The following RAD51B variants were observed in gnomAD, a reference collection of about 807,000 sequenced individuals.
RAD51B encodes DNA repair protein RAD51 homolog 2.
Under a neutral mutation model 42.2 loss-of-function variants are expected in RAD51B, and 38 were observed. That is an observed-to-expected ratio of 0.90 (90% confidence interval 0.70 to 1.18). The LOEUF (loss-of-function observed/expected upper bound fraction) is 1.18, where lower values mean the gene tolerates loss of function less well. Among genes scored for constraint, RAD51B ranks in the 50% most tolerant of loss-of-function variants. The probability of loss-of-function intolerance (pLI) is 0.00; values close to 1 mark genes in which losing one functional copy is unlikely to be tolerated. For synonymous variants in RAD51B, 154 were observed against 145.2 expected (o/e 1.06, Z -0.43); for missense variants, 373 against 400.7 (o/e 0.93, Z 0.59).
At chr14:67,835,430 G>A (rs2041204163) in intron 4 of RAD51B, among the ~76,000 whole-genome samples, 1 of 151,974 alleles carries the variant, frequency 6.6e-6, no homozygotes, top group Admixed American at 6.6e-5. Flanking sequence ...CTGTTTCATT[G>A]AGTTAACTTA....
intron 7 of RAD51B, among the ~76,000 whole-genome samples, chr14:68,062,833 A>G (rs1235181791): frequency 1.1e-4 from 14 of 127,038 alleles, no homozygotes; most frequent in East Asian, 8.0e-4. Flanking sequence ...AAAAAAAAAG[A>G]AAAAAAAAAA....
intron 7 of RAD51B, among the ~76,000 whole-genome samples, chr14:68,009,237 G>T (rs1309482211): frequency 2.0e-5 from 3 of 151,840 alleles, no homozygotes; most frequent in Non-Finnish European, 4.4e-5. Flanking sequence ...TTGCCATTTT[G>T]TGGTTTTCAC....
intron 10 of RAD51B, among the ~76,000 whole-genome samples, chr14:68,490,734 A>T (rs1883998754): frequency 6.6e-6 from 1 of 152,174 alleles, no homozygotes; most frequent in African/African-American, 2.4e-5. Context: ...AGCAACAAAG[A>T]GCGTGGGGTA....
At chr14:68,382,871 T>C (rs1314800476) in intron 8 of RAD51B, among the ~76,000 whole-genome samples, 1 of 152,242 alleles carries the variant, frequency 6.6e-6, no homozygotes, top group Non-Finnish European at 1.5e-5. Context: ...AAAACCTCTT[T>C]GGTAAATCAC....
intron 7 of RAD51B, among the ~76,000 whole-genome samples, chr14:68,074,068 C>T (rs2076795815): frequency 6.6e-6 from 1 of 152,154 alleles, no homozygotes; most frequent in African/African-American, 2.4e-5. Context: ...TGTATGTCAA[C>T]CTCTCTAGTG....
intron 7 of RAD51B, among the ~76,000 whole-genome samples, chr14:68,124,411 A>G (rs2077713720): frequency 6.6e-6 from 1 of 152,228 alleles, no homozygotes; most frequent in Non-Finnish European, 1.5e-5. Context: ...TAGCAGCCGT[A>G]CACACGAAAA....
intron 10 of RAD51B, among the ~76,000 whole-genome samples, chr14:68,489,084 G>A (rs1883866838): frequency 1.3e-5 from 2 of 151,080 alleles, no homozygotes; most frequent in African/African-American, 4.9e-5. Flanking sequence ...CTCCCAAGTA[G>A]CTGGGATTAC....
At chr14:68,163,236 A>G (rs1248953615) in intron 7 of RAD51B, among the ~76,000 whole-genome samples, 1 of 152,244 alleles carries the variant, frequency 6.6e-6, no homozygotes, top group African/African-American at 2.4e-5. Flanking sequence ...GGAAGATTTG[A>G]GGCTTAGCAT....
At chr14:68,615,020 A>C (rs1247594395), downstream of RAD51B, among the ~76,000 whole-genome samples, 1 of 151,916 alleles carries the variant, frequency 6.6e-6, no homozygotes, top group Non-Finnish European at 1.5e-5. Flanking sequence ...CTACAGCTGC[A>C]TGCCACCAGG....
intron 7 of RAD51B, among the ~76,000 whole-genome samples, chr14:68,028,824 G>T (rs933729192): frequency 6.6e-6 from 1 of 152,194 alleles, no homozygotes; most frequent in African/African-American, 2.4e-5. Context: ...GGTCAGCTGG[G>T]TTAGAGCTTC....
At chr14:68,029,043 G>T (rs1044483724) in intron 7 of RAD51B, among the ~76,000 whole-genome samples, 2 of 152,234 alleles carry the variant, frequency 1.3e-5, no homozygotes, top group African/African-American at 4.8e-5. Flanking sequence ...ATAGTGTGCA[G>T]TCCCACAGTC....
At chr14:68,102,536 A>G (rs2077308862) in intron 7 of RAD51B, among the ~76,000 whole-genome samples, 1 of 152,114 alleles carries the variant, frequency 6.6e-6, no homozygotes, top group South Asian at 2.1e-4. Flanking sequence ...TTTGTCTGAG[A>G]CCACCTCTAC....
intron 7 of RAD51B, among the ~76,000 whole-genome samples, chr14:67,975,528 T>G (rs984496914): frequency 6.6e-6 from 1 of 152,214 alleles, no homozygotes; most frequent in Non-Finnish European, 1.5e-5. Context: ...CTTAACCAAA[T>G]TAAATATAAC....
At chr14:67,838,804 T>TAAAAA (rs56299969) in intron 4 of RAD51B, among the ~76,000 whole-genome samples, 1 of 145,240 alleles carries the variant, frequency 6.9e-6, no homozygotes, top group Non-Finnish European at 1.5e-5. Context: ...GATAAAAAAG[T>TAAAAA]AAAAAAAAAA....
At chr14:67,920,317 T>C (rs939604908) in intron 7 of RAD51B, among the ~76,000 whole-genome samples, 4 of 152,200 alleles carry the variant, frequency 2.6e-5, no homozygotes, top group Non-Finnish European at 5.9e-5. Flanking sequence ...CTAACGTTAT[T>C]TTGTTGTTGG....
intron 4 of RAD51B, among the ~76,000 whole-genome samples, chr14:67,852,109 T>C (rs1183920895): frequency 1.3e-5 from 2 of 152,212 alleles, no homozygotes; most frequent in Non-Finnish European, 2.9e-5. Context: ...GCAGTGGGCC[T>C]GTCAGTTACC....
intron 7 of RAD51B, among the ~76,000 whole-genome samples, chr14:67,932,747 T>A (rs951439133): frequency 6.6e-6 from 1 of 152,032 alleles, no homozygotes; most frequent in African/African-American, 2.4e-5. Context: ...GCTCTTAGAC[T>A]TGTCCACTCT....
intron 7 of RAD51B, among the ~76,000 whole-genome samples, chr14:68,289,284 T>A (rs1400829492): frequency 6.6e-6 from 1 of 152,216 alleles, no homozygotes; most frequent in Non-Finnish European, 1.5e-5. Flanking sequence ...ACATTGATTG[T>A]CTCATTTAAT....
chr14:68,494,788 C>T (rs1165469957), intron 10 of RAD51B, among the ~76,000 whole-genome samples: 1 of 151,936 alleles, frequency 6.6e-6, no homozygotes, highest in Non-Finnish European at 1.5e-5. Context: ...ACTCTTTATC[C>T]AGTTAATGAT....
Sources: allele counts gnomAD v4.1 joint callset (sites outside exome capture counted in the v4.1 genomes callset), GRCh38; gene constraint gnomAD v4.1.1; transcripts MANE v1.5; gene names NCBI Gene and HGNC (gene_info 2026-07-23, HGNC 2026-07-21).